IGF2R: variants seen among roughly 807,000 people sequenced by gnomAD.
The protein encoded by IGF2R is cation-independent mannose-6-phosphate receptor.
A neutral mutation model predicts 270.6 loss-of-function variants in IGF2R; 91 were observed. That is an observed-to-expected ratio of 0.34 (90% CI 0.28 to 0.40). The LOEUF (loss-of-function observed/expected upper bound fraction) is 0.40. Ranked by LOEUF, IGF2R falls within the 10% of genes least tolerant of loss-of-function variation. IGF2R has a pLI of 1.00. For missense variants in IGF2R, 2,805 were observed against 3,188.3 expected (o/e 0.88, Z 2.90); for synonymous variants, 1,316 against 1,258.9 (o/e 1.05, Z -0.96).
In IGF2R at chr6:160,109,402, C is replaced by CT. The variant is rs1779695107; in HGVS notation, c.*4321dup. The CT allele has an allele frequency of 6.6e-6, 1 of 152,212 alleles. No individual in the cohort carries two copies. The highest frequency in any genetic ancestry group is 1.5e-5 in the Non-Finnish European group (1 of 68,028). 9.4% of individuals were successfully genotyped at this position (152,212 alleles called of 1,614,324 possible). ...CCCTTGGCTTCAGGGTTTTATTTTT[C>CT]TTTCTTTTAAAACATTTTGAGACAA... On this transcript the variant is annotated 3_prime_UTR_variant, in exon 48 of 48. Transcript: ENST00000356956.
At chr6:160,099,017 G>C (rs1026543169) in intron 45 of IGF2R, among the ~76,000 whole-genome samples, 2 of 152,136 alleles carry the variant, frequency 1.3e-5, no homozygotes, top group African/African-American at 4.8e-5. Context: ...TTACAAAAAT[G>C]GTTCTTTCAC....
intron 12 of IGF2R, among the ~76,000 whole-genome samples, chr6:160,044,121 C>T (rs1180619366): frequency 6.6e-6 from 1 of 152,226 alleles, no homozygotes; most frequent in Non-Finnish European, 1.5e-5. Flanking sequence ...TGTGGCTGTG[C>T]TTTCAAAAGA....
At chr6:159,992,147 TAGA>T (rs1783988728) in intron 2 of IGF2R, among the ~76,000 whole-genome samples, 2 of 152,220 alleles carry the variant, frequency 1.3e-5, no homozygotes, top group Admixed American at 6.5e-5. Context: ...GTCTGATAAC[TAGA>T]AGAAGATGCT....
chr6:160,016,963 A>G (rs1238634907), intron 4 of IGF2R, among the ~76,000 whole-genome samples: 1 of 152,264 alleles, frequency 6.6e-6, no homozygotes, highest in Non-Finnish European at 1.5e-5. Flanking sequence ...ATGAAAAAGC[A>G]GGGTGTTATA....
At position 160,059,018 on chromosome 6, in the gene IGF2R, C is replaced by T. The variant is rs201213784; in HGVS notation, c.3011C>T (p.Pro1004Leu). 4.3e-6 allele frequency: 7 copies of T among 1,614,224 alleles called. No homozygotes were observed. Among genetic ancestry groups the T allele is most frequent in the South Asian group, 3.3e-5 (3 of 91,090 alleles). Residue 1004 changes from proline (P) to leucine (L), a missense_variant, in exon 22 of 48, where the codon CCA (proline) becomes CTA (leucine). Pro to Leu is a moderately conservative substitution (Grantham distance 98). Around this residue, in one of 2 missense-constraint regions of IGF2R, gnomAD observed 1,851 missense variants for 2,207.2 expected, o/e 0.84. Coordinates refer to ENST00000356956, the MANE Select transcript of IGF2R (RefSeq NM_000876.4). The stretch of plus-strand genomic sequence containing the variant: ...CTCAAGAATTGGAAGCCAGCAAGGC[C>T]AGTCGGAATTGAGAAAAGCCTCCAG... Reference protein sequence around the residue: ...EELKNWKPARPVGIEKSLQLS... With the variant: ...EELKNWKPARLVGIEKSLQLS...
At chr6:160,076,339 A>T (rs1778854459) in intron 36 of IGF2R, among the ~76,000 whole-genome samples, 1 of 152,232 alleles carries the variant, frequency 6.6e-6, no homozygotes, top group Admixed American at 6.5e-5. Context: ...AGTCAGAAAG[A>T]CATTTGGGCA....
intron 29 of IGF2R, among the ~76,000 whole-genome samples, chr6:160,067,097 A>G (rs1778601412): frequency 6.6e-6 from 1 of 152,148 alleles, no homozygotes; most frequent in Admixed American, 6.5e-5. Context: ...CTACAGGCTG[A>G]AGTTCTTCCT....
Position 160,084,168 on chromosome 6 carries a change from G to C in IGF2R, c.6052G>C (p.Val2018Leu). ...LSSLTGSWSL[V>L]HNGVSYYINL... Reference sequence around the variant, plus strand: ...CTCTCTCACCGGGTCCTGGTCCCTCGTCCACAACGGAGTCTCGTGAGTGCC... The same window carrying C: ...CTCTCTCACCGGGTCCTGGTCCCTCCTCCACAACGGAGTCTCGTGAGTGCC... Residue 2018 changes from valine (V) to leucine (L), a missense_variant, in exon 40 of 48, where the codon GTC (valine) becomes CTC (leucine). Around this residue, in one of 2 missense-constraint regions of IGF2R, gnomAD observed 1,851 missense variants for 2,207.2 expected, o/e 0.84. Coordinates refer to ENST00000356956, the MANE Select transcript of IGF2R (RefSeq NM_000876.4). This position sits in a 1 kb window ranked among gnomAD's most constrained non-coding sequence, Gnocchi z 4.6. 6.2e-7 allele frequency: 1 copy of C among 1,611,964 alleles called. No individual in the cohort carries two copies. The highest frequency in any genetic ancestry group is 8.5e-7 in the Non-Finnish European group (1 of 1,178,036).
intron 1 of IGF2R, among the ~76,000 whole-genome samples, chr6:159,983,917 T>G (rs1012440021): frequency 1.3e-5 from 2 of 152,168 alleles, no homozygotes; most frequent in Non-Finnish European, 2.9e-5. Flanking sequence ...GAAGAGAGGT[T>G]GTGGAAGGCA....
At chr6:160,072,658 C>A in intron 32 of IGF2R, 107 bp from the exon 33 acceptor site, 1 of 1,272,352 alleles carries the variant, frequency 7.9e-7, no homozygotes, top group Non-Finnish European at 1.1e-6. Flanking sequence ...GGTGAGAAGT[C>A]AGAAGTCCCG....
chr6:159,986,428 GTGT>G (rs774375655), intron 1 of IGF2R, among the ~76,000 whole-genome samples: 10,377 of 115,848 alleles, frequency 0.09, 422 homozygotes, highest in South Asian at 0.14. Context: ...GTGTGTGTGT[GTGT>G]TTTTTTTTTT....
At chr6:159,985,853 A>G (rs1185149220) in intron 1 of IGF2R, among the ~76,000 whole-genome samples, 4 of 152,216 alleles carry the variant, frequency 2.6e-5, no homozygotes, top group Non-Finnish European at 5.9e-5. Context: ...GAAAAATGAC[A>G]TAGAATAGCA....
In IGF2R at chr6:159,969,348, C is replaced by T; in HGVS notation, c.102C>T (p.Ala34=). ...LLLQLLLLVA[A]PGSTQAQAAP... ...TGCAGCTGCTGCTGCTCGTCGCTGC[C>T]CCGGGGTCCACGCAGGCCCAGGCCG... The change falls in exon 1 of 48, where the codon GCC becomes GCT. Residue 34 remains alanine (A), a synonymous_variant. Transcript: ENST00000356956. 2 of 1,315,200 alleles carry T rather than the reference C, an allele frequency of 1.5e-6. No homozygotes were observed. Among genetic ancestry groups the T allele is most frequent in the Non-Finnish European group, 1.9e-6 (2 of 1,028,930 alleles). The allele number at this position is 1,315,200 out of a possible 1,614,324, so 81.5% of individuals were successfully genotyped here. A position where few individuals can be genotyped will look rare whatever the true frequency, so the allele number is the denominator to read the frequency against.
intron 19 of IGF2R, among the ~76,000 whole-genome samples, chr6:160,051,018 A>G (rs1489470270): frequency 1.3e-5 from 2 of 152,178 alleles, no homozygotes; most frequent in Non-Finnish European, 2.9e-5. Context: ...TGTAGGGGCC[A>G]AGGGAAAGCT....
chr6:160,017,507 CA>C (rs1311961756), intron 4 of IGF2R, among the ~76,000 whole-genome samples: 2 of 152,058 alleles, frequency 1.3e-5, no homozygotes, highest in South Asian at 2.1e-4. Flanking sequence ...ATAGGAAGCT[CA>C]AAAAATTCTA....
chr6:160,014,792 T>G (rs1177117936), intron 4 of IGF2R, among the ~76,000 whole-genome samples: 1 of 152,218 alleles, frequency 6.6e-6, no homozygotes. Flanking sequence ...CACTTGTGGC[T>G]TTTTACTGTA....
Position 160,084,592 on chromosome 6 carries a change from G to A in IGF2R, c.6069-403G>A, listed in dbSNP as rs192773508. 3.9e-5 allele frequency among the ~76,000 whole-genome samples: 6 copies of A among 152,292 alleles called. No individual in the cohort carries two copies. Among genetic ancestry groups the A allele is most frequent in the African/African-American group, 7.2e-5 (3 of 41,576 alleles). On this transcript the variant is annotated intron_variant, in intron 40 of 47. Coordinates refer to ENST00000356956, the MANE Select transcript of IGF2R (RefSeq NM_000876.4). This position sits in a 1 kb window ranked among gnomAD's most constrained non-coding sequence, Gnocchi z 4.6. ...TGACCACTCTGCGTGGGGAGCGCCC[G>A]CTTGGCCAGGTGCTCCTGCAAGACA...
intron 20 of IGF2R, among the ~76,000 whole-genome samples, chr6:160,057,568 G>A (rs1310264017): frequency 6.6e-6 from 1 of 152,206 alleles, no homozygotes; most frequent in East Asian, 1.9e-4. Context: ...GACAGAGGGA[G>A]GCCCAGGGCA....
Position 160,029,607 on chromosome 6 carries a change from C to T in IGF2R, c.834C>T (p.His278=), listed in dbSNP as rs199656198. ...GAAAGCTAGACTTTTGTGATGGTCA[C>T]AGCCCTGCGGTGACTATTACATTTG... ...EAGKLDFCDG[H]SPAVTITFVC... The change falls in exon 7 of 48, where the codon CAC becomes CAT. Residue 278 remains histidine, a synonymous_variant. Transcript: ENST00000356956. The T allele has an allele frequency of 8.7e-6, 14 of 1,614,140 alleles. No homozygotes were observed. Among genetic ancestry groups the T allele is most frequent in the Non-Finnish European group, 1.2e-5 (14 of 1,179,956 alleles).
Sources: gnomAD v4.1 joint callset for allele counts (sites outside exome capture counted in the v4.1 genomes callset) on GRCh38, gnomAD v4.1.1 for gene constraint, gnomAD v4.1.1 regional missense constraint, Gnocchi (gnomAD v3.1) non-coding constraint, MANE v1.5 for transcripts, NCBI Gene and HGNC (gene_info 2026-07-23, HGNC 2026-07-21) for gene names.